The following NEXN variants were observed in gnomAD, a reference collection of about 807,000 sequenced individuals.
NEXN encodes the protein nexilin.
In NEXN, 65 loss-of-function variants were observed where a neutral mutation model predicts 92.6. That is an observed-to-expected ratio of 0.70 (90% CI 0.57 to 0.86). The LOEUF is 0.86. Ranked by LOEUF, NEXN falls within the 40% of genes least tolerant of loss-of-function variation. The pLI is 0.00. For missense variants in NEXN, 778 were observed against 771.1 expected, an observed-to-expected ratio of 1.01 and a Z score of -0.11; for synonymous variants, 254 against 242.5, an observed-to-expected ratio of 1.05 and a Z score of -0.44.
chr1:77,937,558 G>A (rs1461069491), intron 11 of NEXN, among the ~76,000 whole-genome samples: 8 of 151,904 alleles, frequency 5.3e-5, no homozygotes, highest in African/African-American at 4.8e-5. Context: ...GCATAATGGC[G>A]GGTGCCTATA....
At chr1:77,927,800 T>C (rs762496232) in intron 8 of NEXN, among the ~76,000 whole-genome samples, 30 of 151,932 alleles carry the variant, frequency 2.0e-4, no homozygotes, top group Non-Finnish European at 3.1e-4. Flanking sequence ...AAGCGCCTAC[T>C]TCTTTTTTTT....
At chr1:77,934,009 TA>T (rs986921456) in intron 10 of NEXN, among the ~76,000 whole-genome samples, 2 of 92,536 alleles carry the variant, frequency 2.2e-5, no homozygotes, top group African/African-American at 4.5e-5. Flanking sequence ...GGCTAATTTT[TA>T]ATTTTTTTTT....
In NEXN at chr1:77,923,341, G is replaced by A. The variant is rs560993018; in HGVS notation, c.448-1847G>A. Among the ~76,000 whole-genome samples, 5 of 151,988 alleles carry A rather than the reference G, an allele frequency of 3.3e-5. No individual in the cohort carries two copies. The South Asian group carries it at 6.3e-4, about 19-fold the overall frequency. ...TATTTCTTTCTTGAGAGAAAATATA[G>A]AAAAGTGTGATGATGAGAGAACAGG... On this transcript the variant is annotated intron_variant, in intron 5 of 12. Transcript: ENST00000334785.
intron 11 of NEXN, among the ~76,000 whole-genome samples, chr1:77,940,541 A>G (rs1198286177): frequency 1.3e-5 from 2 of 152,228 alleles, no homozygotes; most frequent in East Asian, 3.8e-4. Context: ...GGTTTGAGGC[A>G]GCTAAATGAA....
At chr1:77,911,428 C>T (rs751153365) in intron 1 of NEXN, among the ~76,000 whole-genome samples, 1 of 152,040 alleles carries the variant, frequency 6.6e-6, no homozygotes, top group Non-Finnish European at 1.5e-5. Context: ...CCTGTCTCTA[C>T]TAAAAATACA....
At chr1:77,936,099 A>T in intron 11 of NEXN, 55 bp downstream of exon 11, 1 of 1,306,582 alleles carries the variant, frequency 7.7e-7, no homozygotes, top group Non-Finnish European at 1.1e-6. Context: ...AATAAATTTA[A>T]CAGAAGTAAC....
chr1:77,918,368 A>G (rs1649152554), intron 5 of NEXN, 95 bp downstream of exon 5: 1 of 1,354,106 alleles, frequency 7.4e-7, no homozygotes, highest in African/African-American at 1.5e-5. Context: ...TTTTAATGTA[A>G]CATAAACCTA....
At chr1:77,917,390 T>C (rs1411862677) in intron 2 of NEXN, among the ~76,000 whole-genome samples, 176 bp from the exon 3 acceptor site, 1 of 152,148 alleles carries the variant, frequency 6.6e-6, no homozygotes, top group African/African-American at 2.4e-5. Context: ...TCATTTTTCA[T>C]AGTTAGGTTT....
chr1:77,903,742 T>C (rs1321292313), intron 1 of NEXN, among the ~76,000 whole-genome samples: 2 of 151,848 alleles, frequency 1.3e-5, no homozygotes, highest in African/African-American at 4.9e-5. Context: ...ATGGGCAATA[T>C]GATGAAACCC....
intron 2 of NEXN, among the ~76,000 whole-genome samples, chr1:77,917,293 C>T (rs2102090782): frequency 6.6e-6 from 1 of 152,148 alleles, no homozygotes; most frequent in Admixed American, 6.5e-5. Context: ...ATTTTACTGG[C>T]TTTCAGCTTC....
chr1:77,922,262 C>G (rs1649482291), intron 5 of NEXN, among the ~76,000 whole-genome samples: 1 of 151,488 alleles, frequency 6.6e-6, no homozygotes, highest in African/African-American at 2.4e-5. Flanking sequence ...GCCTCAGCCT[C>G]CCAAGTAGCT....
At chr1:77,905,698 T>C (rs1177411566) in intron 1 of NEXN, among the ~76,000 whole-genome samples, 1 of 152,136 alleles carries the variant, frequency 6.6e-6, no homozygotes, top group Non-Finnish European at 1.5e-5. Flanking sequence ...TTACTGTACA[T>C]TGTGGTCAGT....
At chr1:77,921,851 T>A (rs1018892292) in intron 5 of NEXN, among the ~76,000 whole-genome samples, 1 of 152,004 alleles carries the variant, frequency 6.6e-6, no homozygotes, top group African/African-American at 2.4e-5. Context: ...GAGGCAAAGG[T>A]TGCAGTGAGC....
In NEXN at chr1:77,921,556, T is replaced by A. The variant is rs1401847432; in HGVS notation, c.447+3283T>A. Among the ~76,000 whole-genome samples the A allele has an allele frequency of 2.0e-5, 3 of 152,028 alleles. No homozygotes were observed. In the South Asian group the frequency reaches 6.3e-4, roughly 32 times the overall value. ...ACCTTCTGGGCTCAAGCAATCCTCCTACCTCAGCCTCCTAAGTAGCTGGGA... is the reference window on the plus strand; with the variant it reads ...ACCTTCTGGGCTCAAGCAATCCTCCAACCTCAGCCTCCTAAGTAGCTGGGA... On this transcript the variant is annotated intron_variant, in intron 5 of 12. Transcript: ENST00000334785.
At chr1:77,908,394 A>ATTTTTTTT (rs34361411) in intron 1 of NEXN, among the ~76,000 whole-genome samples, 2 of 36,304 alleles carry the variant, frequency 5.5e-5, no homozygotes, top group Non-Finnish European at 1.0e-4. Context: ...CCCTACCTCT[A>ATTTTTTTT]TTTTTTTTTT....
rs1248166395 is a variant in NEXN at position 77,942,897 on chromosome 1, T to A, written c.*68T>A. 2.6e-6 allele frequency: 4 copies of A among 1,513,574 alleles called. No individual in the cohort carries two copies. Among genetic ancestry groups the A allele is most frequent in the Non-Finnish European group, 3.6e-6 (4 of 1,114,940 alleles). 93.8% of individuals were successfully genotyped at this position (1,513,574 alleles called of 1,614,324 possible). ...AAATCACTTTTCTTCTTCTCTTTTTTAGCTGATGACTACTAGCTCCCCTCC... is the reference window on the plus strand; with the variant it reads ...AAATCACTTTTCTTCTTCTCTTTTTAAGCTGATGACTACTAGCTCCCCTCC... On this transcript the variant is annotated 3_prime_UTR_variant, in exon 13 of 13. Transcript: ENST00000334785.
intron 1 of NEXN, among the ~76,000 whole-genome samples, chr1:77,895,340 C>T (rs899098750): frequency 7.2e-5 from 11 of 151,940 alleles, no homozygotes; most frequent in Admixed American, 1.3e-4. Context: ...CCACCGCGCC[C>T]GGTCACCTAT....
In NEXN at chr1:77,942,614, G is replaced by A; in HGVS notation, c.1813G>A (p.Val605Ile). ...DSEPVRFTVK[V>I]TGEPKPEITW... The stretch of plus-strand genomic sequence containing the variant: ...TGAGCCAGTCAGATTTACGGTTAAA[G>A]TAACAGGAGAACCCAAACCAGAAAT... The change falls in exon 13 of 13, where the codon GTA becomes ATA. Residue 605 changes from valine to isoleucine, a missense_variant. This residue lies in a region of NEXN where 532 missense variants were observed against 476.7 expected (regional missense o/e 1.12). Coordinates refer to ENST00000334785, the MANE Select transcript of NEXN (RefSeq NM_144573.4). The A allele has an allele frequency of 6.2e-7, 1 of 1,613,804 alleles. No homozygotes were observed.
At chr1:77,918,338 T>A in intron 5 of NEXN, 65 bp downstream of exon 5, 1 of 1,489,436 alleles carries the variant, frequency 6.7e-7, no homozygotes, top group Non-Finnish European at 9.4e-7. Flanking sequence ...AACTAATCAG[T>A]ATGTTGCCTA....
Sources: gnomAD v4.1 joint callset for allele counts (sites outside exome capture counted in the v4.1 genomes callset) on GRCh38, gnomAD v4.1.1 for gene constraint, gnomAD v4.1.1 regional missense constraint, MANE v1.5 for transcripts, NCBI Gene and HGNC (gene_info 2026-07-23, HGNC 2026-07-21) for gene names.